The following DNAH11 variants were observed in gnomAD, a reference collection of about 807,000 sequenced individuals.
DNAH11 encodes the protein dynein axonemal heavy chain 11, also known as axonemal beta dynein heavy chain 11.
A neutral mutation model predicts 526.0 loss-of-function variants in DNAH11; 442 were observed. The ratio of observed to expected loss-of-function variants is 0.84; its 90% CI spans 0.78 to 0.91. The LOEUF is 0.91. Among genes scored for constraint, DNAH11 ranks in the 40% least tolerant of loss-of-function variants. The pLI is 0.00. For synonymous variants in DNAH11, 2,461 were observed against 1,935.9 expected, an observed-to-expected ratio of 1.27 and a Z score of -7.12; for missense variants, 6,989 against 5,448.7, an observed-to-expected ratio of 1.28 and a Z score of -8.90.
chr7:21,545,176 G>T (rs998636530), intron 2 of DNAH11, 27 bp downstream of exon 2: 13 of 1,508,220 alleles, frequency 8.6e-6, no homozygotes, highest in Non-Finnish European at 1.1e-5. Flanking sequence ...AATATTTAAA[G>T]CTTTCACTTA....
At chr7:21,628,086 A>C (rs1055293607) in intron 25 of DNAH11, among the ~76,000 whole-genome samples, 1 of 151,772 alleles carries the variant, frequency 6.6e-6, no homozygotes, top group Non-Finnish European at 1.5e-5. Flanking sequence ...TCTTTTTTCA[A>C]ATGTTTTCTG....
chr7:21,691,003 C>T (rs944555928), intron 35 of DNAH11, 122 bp downstream of exon 35: 2 of 691,344 alleles, frequency 2.9e-6, no homozygotes, highest in Non-Finnish European at 5.0e-6. Context: ...ATATGATTTC[C>T]TTGGGCTCCT....
chr7:21,743,325 G>C (rs1439621787), intron 49 of DNAH11, among the ~76,000 whole-genome samples: 1 of 152,144 alleles, frequency 6.6e-6, no homozygotes, highest in Admixed American at 6.5e-5. Flanking sequence ...TTAAATAGTT[G>C]GATCATTTTG....
At chr7:21,705,300 A>G (rs965570279) in intron 38 of DNAH11, among the ~76,000 whole-genome samples, 160 bp from the exon 39 acceptor site, 4 of 152,204 alleles carry the variant, frequency 2.6e-5, no homozygotes, top group East Asian at 1.9e-4. Flanking sequence ...AGGAAAAACT[A>G]TACTTTTCAC....
chr7:21,663,311 A>G (rs1318987808), intron 30 of DNAH11, among the ~76,000 whole-genome samples: 1 of 152,134 alleles, frequency 6.6e-6, no homozygotes, highest in African/African-American at 2.4e-5. Context: ...TTTCTGATGC[A>G]ATGACTTATT....
At chr7:21,830,681 TA>T (rs145857793) in intron 65 of DNAH11, among the ~76,000 whole-genome samples, 28 of 149,454 alleles carry the variant, frequency 1.9e-4, no homozygotes, top group African/African-American at 6.1e-4. Context: ...TTTAGGTCCA[TA>T]AAAAAAAAAT....
intron 34 of DNAH11, among the ~76,000 whole-genome samples, chr7:21,688,573 C>G (rs531204539): frequency 5.9e-5 from 9 of 152,312 alleles, no homozygotes; most frequent in African/African-American, 2.2e-4. Context: ...TAAACAACTG[C>G]CTGGGGCATC....
At chr7:21,645,852 ATG>A (rs778166538) in intron 28 of DNAH11, among the ~76,000 whole-genome samples, 13 of 152,208 alleles carry the variant, frequency 8.5e-5, no homozygotes, top group Non-Finnish European at 1.5e-4. Flanking sequence ...GATATACAAC[ATG>A]TGAGGAAGGA....
chr7:21,571,804 A>G lies in DNAH11; in HGVS notation c.1426-2A>G, dbSNP rs1064794014. 6.2e-7 allele frequency: 1 copy of G among 1,604,042 alleles called. No individual in the cohort carries two copies. The highest frequency in any genetic ancestry group is 8.5e-7 in the Non-Finnish European group (1 of 1,176,692). On this transcript the variant is annotated splice_acceptor_variant, in intron 7 of 81. Transcript: ENST00000409508. LOFTEE classifies it high-confidence loss of function. ...AAGGTCTTTACTGTGTTTTTTACAA[A>G]GGATATATTTGCCACCACTTTGGAA... is the stretch of plus-strand genomic sequence containing the variant.
intron 62 of DNAH11, among the ~76,000 whole-genome samples, chr7:21,807,112 A>T (rs1230421551): frequency 6.6e-6 from 1 of 152,230 alleles, no homozygotes; most frequent in Non-Finnish European, 1.5e-5. Context: ...TAATCAGACC[A>T]TTGCCAGCAT....
intron 55 of DNAH11, among the ~76,000 whole-genome samples, chr7:21,766,638 G>A (rs1279702404): frequency 6.6e-6 from 1 of 150,958 alleles, no homozygotes; most frequent in Admixed American, 6.6e-5. Context: ...TAAAAATCTG[G>A]TCATATTTAC....
At chr7:21,822,932 A>G (rs1375905152) in intron 65 of DNAH11, among the ~76,000 whole-genome samples, 1 of 99,146 alleles carries the variant, frequency 1.0e-5, no homozygotes, top group Non-Finnish European at 2.1e-5. Context: ...CAGGTATTTT[A>G]CCCATTTTTA....
intron 42 of DNAH11, among the ~76,000 whole-genome samples, chr7:21,717,456 G>C (rs1384084292): frequency 6.6e-6 from 1 of 152,148 alleles, no homozygotes; most frequent in Non-Finnish European, 1.5e-5. Flanking sequence ...TATGGGAATA[G>C]TTTCAGCCCT....
At chr7:21,882,576 G>A (rs917489794) in intron 75 of DNAH11, among the ~76,000 whole-genome samples, 2 of 152,264 alleles carry the variant, frequency 1.3e-5, no homozygotes, top group East Asian at 1.9e-4. Context: ...CGGGCGGATC[G>A]CTTGAGTCCA....
At chr7:21,900,785 A>T (rs116027499) in intron 81 of DNAH11, 1 of 484,326 alleles carries the variant, frequency 2.1e-6, no homozygotes, top group African/African-American at 2.0e-5. Context: ...CTTCCACAGG[A>T]AAGTTTAACC....
At chr7:21,803,716 C>T (rs1789109544) in intron 62 of DNAH11, among the ~76,000 whole-genome samples, 1 of 149,708 alleles carries the variant, frequency 6.7e-6, no homozygotes. Flanking sequence ...ATGGGGCTGT[C>T]ATCATTGAAG....
Position 21,694,369 on chromosome 7 carries a change from G to A in DNAH11, c.6041+3488G>A, listed in dbSNP as rs570753330. 7.9e-5 allele frequency among the ~76,000 whole-genome samples: 12 copies of A among 152,092 alleles called. No individual in the cohort carries two copies. The East Asian group carries it at 2.1e-3, about 27-fold the overall frequency. Reference sequence around the variant, plus strand: ...CCTCTTGCCCCCCACCACCTGACAGGCCCTGGTGTGTGATGTTCCCCTCCC... The same window carrying A: ...CCTCTTGCCCCCCACCACCTGACAGACCCTGGTGTGTGATGTTCCCCTCCC... On this transcript the variant is annotated intron_variant, in intron 35 of 81. Transcript: ENST00000409508.
chr7:21,784,333 A>G, intron 57 of DNAH11, 94 bp from the exon 58 acceptor site: 1 of 915,856 alleles, frequency 1.1e-6, no homozygotes, highest in Non-Finnish European at 1.8e-6. Context: ...GAAATGAATT[A>G]TTTAACAGTG....
chr7:21,839,352 A>G (rs1459440488), intron 65 of DNAH11, among the ~76,000 whole-genome samples: 3 of 152,200 alleles, frequency 2.0e-5, no homozygotes, highest in East Asian at 3.9e-4. Flanking sequence ...AGGGGGGCAA[A>G]TCACGAGGTC....
Sources: allele counts gnomAD v4.1 joint callset (sites outside exome capture counted in the v4.1 genomes callset), GRCh38; gene constraint gnomAD v4.1.1; transcripts MANE v1.5; gene names NCBI Gene and HGNC (gene_info 2026-07-23, HGNC 2026-07-21).